Variants in PTPRN2 observed in about 807,000 individuals in gnomAD.
The protein encoded by PTPRN2 is protein tyrosine phosphatase receptor type N2, also known as receptor-type tyrosine-protein phosphatase N2.
Under a neutral mutation model 118.8 loss-of-function variants are expected in PTPRN2, and 74 were observed. The observed-to-expected ratio is 0.62, with a 90% CI of 0.52 to 0.76. PTPRN2 has a LOEUF of 0.76. Ranked by LOEUF, PTPRN2 falls within the 30% of genes least tolerant of loss-of-function variation. The pLI, the probability that PTPRN2 is intolerant of heterozygous loss-of-function variation, is 0.00. For missense variants in PTPRN2, 1,481 were observed against 1,394.4 expected (o/e 1.06, Z -0.99); for synonymous variants, 641 against 608.0 (o/e 1.05, Z -0.80).
At position 158,055,108 on chromosome 7, in the gene PTPRN2, T is replaced by C. The variant is rs181458083; in HGVS notation, c.1723+26190A>G. On this transcript the variant is annotated intron_variant, in intron 11 of 22. Coordinates refer to ENST00000389418, the MANE Select transcript of PTPRN2 (RefSeq NM_002847.5). The stretch of plus-strand genomic sequence containing the variant: ...GATCTAGATCATAGATATGATTATA[T>C]ATGAATATCATTCATCATTAGTTTG... Among the ~76,000 whole-genome samples the C allele has an allele frequency of 4.3e-3, 656 of 152,370 alleles. 2 individuals carry two copies. The highest frequency in any genetic ancestry group is 7.6e-3 in the Non-Finnish European group (514 of 68,038).
At chr7:158,344,750 T>C (rs1007779361) in intron 2 of PTPRN2, among the ~76,000 whole-genome samples, 7 of 151,962 alleles carry the variant, frequency 4.6e-5, no homozygotes, top group Non-Finnish European at 8.8e-5. Flanking sequence ...CGATTTGCAA[T>C]GTGCAGGAAC....
chr7:157,907,706 T>A (rs982434197), intron 11 of PTPRN2, among the ~76,000 whole-genome samples: 1 of 151,008 alleles, frequency 6.6e-6, no homozygotes, highest in Admixed American at 6.6e-5. Context: ...GTGTGGGGTG[T>A]CCTGGGTGGC....
intron 11 of PTPRN2, among the ~76,000 whole-genome samples, chr7:158,005,590 G>A (rs1033203729): frequency 6.6e-6 from 1 of 152,224 alleles, no homozygotes; most frequent in Non-Finnish European, 1.5e-5. Context: ...TAGCTGCAGC[G>A]TTTTGCTGTC....
In PTPRN2 at chr7:158,277,629, C is replaced by T. The variant is rs369937968; in HGVS notation, c.277+39190G>A. 9.8e-5 allele frequency among the ~76,000 whole-genome samples: 15 copies of T among 152,312 alleles called. 1 individual carries two copies. In the South Asian group the frequency reaches 1.9e-3, roughly 19 times the overall value. ...GTCAGGGCCTTGCCACACTGCTGCACGAGGTGCACACGCAGGGGCTGGGAC... is the reference window on the plus strand; with the variant it reads ...GTCAGGGCCTTGCCACACTGCTGCATGAGGTGCACACGCAGGGGCTGGGAC... On this transcript the variant is annotated intron_variant, in intron 3 of 22. Transcript: ENST00000389418.
At chr7:157,854,365 TGCAATCG>T (rs1809522829) in intron 12 of PTPRN2, among the ~76,000 whole-genome samples, 1 of 152,200 alleles carries the variant, frequency 6.6e-6, no homozygotes, top group Non-Finnish European at 1.5e-5. Flanking sequence ...TCTCCAGCTG[TGCAATCG>T]GCACACCCAC....
At chr7:157,654,641 G>A (rs1375001362) in intron 14 of PTPRN2, among the ~76,000 whole-genome samples, 2 of 152,210 alleles carry the variant, frequency 1.3e-5, no homozygotes, top group African/African-American at 4.8e-5. Context: ...GTTTCCGCCA[G>A]GTGGAGGCTG....
At chr7:158,523,628 ATCTGCCCTGGAGCGGAG>A (rs1563393072) in intron 1 of PTPRN2, among the ~76,000 whole-genome samples, 14 of 14,000 alleles carry the variant, frequency 1.0e-3, no homozygotes, top group Non-Finnish European at 1.7e-3. Flanking sequence ...GAGTGGAGTC[ATCTGCCCTGGAGCGGAG>A]TCTGCCCTGG....
intron 3 of PTPRN2, among the ~76,000 whole-genome samples, chr7:158,274,725 A>G (rs2150980317): frequency 6.6e-6 from 1 of 152,250 alleles, no homozygotes; most frequent in South Asian, 2.1e-4. Flanking sequence ...GGGCTCAGGT[A>G]CCCTACGGGG....
intron 11 of PTPRN2, among the ~76,000 whole-genome samples, chr7:157,943,163 C>T (rs1800250743): frequency 1.3e-5 from 2 of 152,228 alleles, no homozygotes; most frequent in African/African-American, 4.8e-5. Context: ...CCCAAGAACA[C>T]ACAACACACA....
chr7:158,070,594 T>TGTGGTGGAGGTGCCCCTG, intron 11 of PTPRN2, among the ~76,000 whole-genome samples: 1 of 31,218 alleles, frequency 3.2e-5, no homozygotes, highest in East Asian at 1.1e-3. Context: ...TGGAGGTGCC[T>TGTGGTGGAGGTGCCCCTG]GTGGTGGAGG....
At position 158,565,233 on chromosome 7, in the gene PTPRN2, C is replaced by T. The variant is rs1468923921; in HGVS notation, c.112+22325G>A. Among the ~76,000 whole-genome samples, 2 of 152,224 alleles carry T rather than the reference C, an allele frequency of 1.3e-5. No individual in the cohort carries two copies. The highest frequency in any genetic ancestry group is 2.4e-5 in the African/African-American group (1 of 41,450). On this transcript the variant is annotated intron_variant, in intron 1 of 22. Coordinates refer to ENST00000389418, the MANE Select transcript of PTPRN2 (RefSeq NM_002847.5). This position sits in a 1 kb window ranked among gnomAD's most constrained non-coding sequence, Gnocchi z 4.6. The stretch of plus-strand genomic sequence containing the variant: ...TTGACTTTTAGAGCTGCAATCTATA[C>T]AGGCATATTTGTGGCTACATAAACA...
At position 157,725,685 on chromosome 7, in the gene PTPRN2, G is replaced by A. The variant is rs1362804490; in HGVS notation, c.1789-42748C>T. 5.2e-3 allele frequency among the ~76,000 whole-genome samples: 499 copies of A among 95,872 alleles called. 1 individual carries two copies. The highest frequency in any genetic ancestry group is 0.022 in the African/African-American group (463 of 20,730). The allele number at this position is 95,872 out of a possible 152,430, so 62.9% of individuals were successfully genotyped here. Reference sequence around the variant, plus strand: ...ACACAGAGGAGTGAGCCAGACCCTCGCCTCCCAGGAGAACTGGATATCCAC... The same window carrying A: ...ACACAGAGGAGTGAGCCAGACCCTCACCTCCCAGGAGAACTGGATATCCAC... On this transcript the variant is annotated intron_variant, in intron 12 of 22. Coordinates refer to ENST00000389418, the MANE Select transcript of PTPRN2 (RefSeq NM_002847.5).
intron 1 of PTPRN2, among the ~76,000 whole-genome samples, chr7:158,543,442 G>A (rs1298883829): frequency 2.0e-5 from 3 of 152,200 alleles, no homozygotes; most frequent in Non-Finnish European, 2.9e-5. Context: ...TGCCACACAC[G>A]TAGCTCAATT....
intron 11 of PTPRN2, among the ~76,000 whole-genome samples, chr7:157,972,704 C>A (rs71543626): frequency 2.9e-4 from 31 of 105,174 alleles, no homozygotes; most frequent in South Asian, 6.7e-4. Context: ...AGACCACGGG[C>A]ACTCCACACC....
chr7:158,013,543 C>A (rs1048769744), intron 11 of PTPRN2, among the ~76,000 whole-genome samples: 1 of 151,794 alleles, frequency 6.6e-6, no homozygotes, highest in African/African-American at 2.4e-5. Context: ...TATTGACCTA[C>A]CATCTATCCA....
intron 11 of PTPRN2, among the ~76,000 whole-genome samples, chr7:158,071,389 TGGA>T (rs1563390976): frequency 2.4e-5 from 2 of 84,362 alleles, no homozygotes; most frequent in African/African-American, 4.5e-5. Context: ...GTGCTCGTGG[TGGA>T]GGTGCTCGTG....
At chr7:157,684,299 A>G (rs1360969425) in intron 12 of PTPRN2, among the ~76,000 whole-genome samples, 1 of 150,944 alleles carries the variant, frequency 6.6e-6, no homozygotes, top group Non-Finnish European at 1.5e-5. Context: ...TCGGAGGAGG[A>G]CCGCGAGGTT....
intron 12 of PTPRN2, among the ~76,000 whole-genome samples, chr7:157,713,202 C>T (rs1798736346): frequency 9.8e-6 from 1 of 101,802 alleles, no homozygotes; most frequent in African/African-American, 4.6e-5. Flanking sequence ...TTACTCAGAC[C>T]CTCATCTCCA....
At chr7:157,819,590 G>C (rs1336316312) in intron 12 of PTPRN2, among the ~76,000 whole-genome samples, 1 of 134,734 alleles carries the variant, frequency 7.4e-6, no homozygotes, top group Non-Finnish European at 1.5e-5. Flanking sequence ...CCGCAGCACA[G>C]CCCTCCCGCC....
Sources: allele counts gnomAD v4.1 joint callset (sites outside exome capture counted in the v4.1 genomes callset), GRCh38; gene constraint gnomAD v4.1.1; non-coding constraint Gnocchi (gnomAD v3.1); transcripts MANE v1.5; gene names NCBI Gene and HGNC (gene_info 2026-07-23, HGNC 2026-07-21).